The following PSD3 variants were observed in gnomAD, a reference collection of about 807,000 sequenced individuals.
PSD3 encodes the protein pleckstrin and Sec7 domain containing 3, also known as PH and SEC7 domain-containing protein 3.
PSD3 carries 49 observed loss-of-function variants against 105.5 expected under a neutral mutation model. That is an observed-to-expected ratio of 0.46 (90% CI 0.37 to 0.59). The LOEUF is 0.59. Ranked by LOEUF, PSD3 falls within the 20% of genes least tolerant of loss-of-function variation. The pLI is 0.00. For synonymous variants in PSD3, 557 were observed against 457.8 expected (o/e 1.22, Z -2.77); for missense variants, 1,561 against 1,263.8 (o/e 1.24, Z -3.57).
At chr8:19,020,799 A>G (rs1225711074) in intron 1 of PSD3, among the ~76,000 whole-genome samples, 2 of 152,186 alleles carry the variant, frequency 1.3e-5, no homozygotes, top group African/African-American at 4.8e-5. Flanking sequence ...AGAGTCAAAG[A>G]TGACTCAAGG....
At chr8:18,622,351 G>A (rs992817180) in intron 11 of PSD3, among the ~76,000 whole-genome samples, 1 of 151,958 alleles carries the variant, frequency 6.6e-6, no homozygotes, top group Non-Finnish European at 1.5e-5. Context: ...TTACTTCTCC[G>A]AGTCGTTAAG....
chr8:18,612,520 C>T (rs893589117), intron 11 of PSD3, among the ~76,000 whole-genome samples: 4 of 152,022 alleles, frequency 2.6e-5, no homozygotes, highest in African/African-American at 4.8e-5. Context: ...CTACAGGCGC[C>T]CGCCACCCGC....
At chr8:18,904,697 A>G (rs2129461886) in intron 2 of PSD3, among the ~76,000 whole-genome samples, 1 of 152,380 alleles carries the variant, frequency 6.6e-6, no homozygotes, top group Middle Eastern at 3.4e-3. Context: ...ACTCAAGGTC[A>G]GCAAATTTTT....
intron 11 of PSD3, among the ~76,000 whole-genome samples, chr8:18,607,110 GA>G (rs1255138949): frequency 6.6e-6 from 1 of 152,170 alleles, no homozygotes; most frequent in East Asian, 1.9e-4. Context: ...GGTGGGCACT[GA>G]AGGCAGGAAG....
intron 1 of PSD3, among the ~76,000 whole-genome samples, chr8:19,028,533 GA>G (rs1827650416): frequency 6.6e-6 from 1 of 152,106 alleles, no homozygotes; most frequent in Non-Finnish European, 1.5e-5. Flanking sequence ...CATTTTTTAA[GA>G]TGCATTTTTT....
At chr8:18,543,957 G>A (rs2129999878) in intron 15 of PSD3, among the ~76,000 whole-genome samples, 1 of 152,012 alleles carries the variant, frequency 6.6e-6, no homozygotes, top group Non-Finnish European at 1.5e-5. Flanking sequence ...AAATACAGCT[G>A]GGCTGCAATT....
chr8:18,631,913 T>A (rs1806927447), intron 11 of PSD3, among the ~76,000 whole-genome samples: 6 of 152,022 alleles, frequency 3.9e-5, no homozygotes, highest in Admixed American at 3.9e-4. Flanking sequence ...TGTCACCTTA[T>A]CTTACTCTGT....
intron 9 of PSD3, among the ~76,000 whole-genome samples, chr8:18,682,542 G>A (rs1800446742): frequency 6.6e-6 from 1 of 152,048 alleles, no homozygotes; most frequent in Admixed American, 6.6e-5. Flanking sequence ...TAAAGATAAA[G>A]CTTTTTAAAA....
chr8:18,799,073 A>G, intron 8 of PSD3: 1 of 492,792 alleles, frequency 2.0e-6, no homozygotes, highest in Non-Finnish European at 3.7e-6. Context: ...ATTACTGCTA[A>G]AACAACTCCA....
chr8:18,750,282 T>C (rs1234184316), intron 9 of PSD3, among the ~76,000 whole-genome samples: 1 of 152,124 alleles, frequency 6.6e-6, no homozygotes, highest in Admixed American at 6.5e-5. Context: ...CTGGAGTTTG[T>C]TCCTTCTGAT....
rs896709298 is a variant in PSD3, at chr8:18,718,332, C to T, written c.2172+47117G>A. On this transcript the variant is annotated intron_variant, in intron 9 of 15. Coordinates refer to ENST00000327040, the MANE Select transcript of PSD3 (RefSeq NM_015310.4). ...CCATTACATGCTCAAATTAACTTTA[C>T]TTTTCCCCATAGGGAATTATAAAAG... 5.3e-5 allele frequency among the ~76,000 whole-genome samples: 8 copies of T among 152,352 alleles called. No individual in the cohort carries two copies. In the East Asian group the frequency reaches 5.8e-4, roughly 11 times the overall value.
chr8:18,796,548 T>C (rs958426670), intron 8 of PSD3, among the ~76,000 whole-genome samples: 4 of 152,182 alleles, frequency 2.6e-5, no homozygotes, highest in Non-Finnish European at 5.9e-5. Context: ...CATTATTTTA[T>C]TAGTAAGGAA....
intron 9 of PSD3, among the ~76,000 whole-genome samples, chr8:18,764,299 A>C (rs1806787374): frequency 6.6e-6 from 1 of 152,320 alleles, no homozygotes; most frequent in African/African-American, 2.4e-5. Flanking sequence ...TGGAAGATGT[A>C]AAACATCTTT....
chr8:18,959,495 C>T (rs1289549707), intron 1 of PSD3, among the ~76,000 whole-genome samples: 1 of 152,128 alleles, frequency 6.6e-6, no homozygotes, highest in Non-Finnish European at 1.5e-5. Flanking sequence ...CATCTGACTC[C>T]AGTCTCCTAT....
chr8:18,848,500 G>T (rs1435290259), intron 4 of PSD3, among the ~76,000 whole-genome samples: 1 of 152,162 alleles, frequency 6.6e-6, no homozygotes, highest in East Asian at 1.9e-4. Flanking sequence ...CACCTCCCAT[G>T]GAGAGGCAGC....
intron 4 of PSD3, among the ~76,000 whole-genome samples, chr8:18,847,559 A>C (rs1351733719): frequency 1.3e-5 from 2 of 152,228 alleles, no homozygotes; most frequent in African/African-American, 4.8e-5. Flanking sequence ...GTCACAAATA[A>C]CTAATCTAAG....
intron 1 of PSD3, among the ~76,000 whole-genome samples, chr8:18,963,873 A>T (rs1034952542): frequency 1.1e-4 from 16 of 152,146 alleles, no homozygotes; most frequent in Admixed American, 5.9e-4. Flanking sequence ...TGGGTCATTT[A>T]CCCTACATAT....
intron 2 of PSD3, among the ~76,000 whole-genome samples, chr8:18,878,137 T>G (rs1392673061): frequency 6.6e-6 from 1 of 152,116 alleles, no homozygotes; most frequent in African/African-American, 2.4e-5. Context: ...TTAATTTCTT[T>G]TAGCCATTTT....
chr8:18,624,504 G>A (rs1484964035), intron 11 of PSD3, among the ~76,000 whole-genome samples: 1 of 131,586 alleles, frequency 7.6e-6, no homozygotes, highest in Non-Finnish European at 1.6e-5. Context: ...CATGGACACA[G>A]GAAGGGGAAC....
Sources: gnomAD v4.1 joint callset for allele counts (sites outside exome capture counted in the v4.1 genomes callset) on GRCh38, gnomAD v4.1.1 for gene constraint, MANE v1.5 for transcripts, NCBI Gene and HGNC (gene_info 2026-07-23, HGNC 2026-07-21) for gene names.